Variants in XPOT observed in about 807,000 individuals in gnomAD.
XPOT encodes the protein exportin for tRNA.
In XPOT, 34 loss-of-function variants were observed where a neutral mutation model predicts 128.2. That is an observed-to-expected ratio of 0.27 (90% CI 0.20 to 0.35). XPOT has a LOEUF of 0.35. Among genes scored for constraint, XPOT ranks in the 10% least tolerant of loss-of-function variants. The pLI, the probability that XPOT is intolerant of heterozygous loss-of-function variation, is 1.00. For missense variants in XPOT, 838 were observed against 1,125.3 expected (o/e 0.74, Z 3.65); for synonymous variants, 348 against 394.3 (o/e 0.88, Z 1.39).
At position 64,423,195 on chromosome 12, in the gene XPOT, C is replaced by T. The variant is rs774431625; in HGVS notation, c.1133C>T (p.Ala378Val). The T allele has an allele frequency of 6.3e-7, 1 of 1,595,408 alleles. No individual in the cohort carries two copies. The highest frequency in any genetic ancestry group is 1.4e-5 in the African/African-American group (1 of 73,612). Residue 378 changes from alanine to valine, a missense_variant, in exon 11 of 25, where the codon GCC becomes GTC. Coordinates refer to ENST00000332707, the MANE Select transcript of XPOT (RefSeq NM_007235.6). ...QKANVEAIML[A>V]VMKKLTYDEE... The stretch of plus-strand genomic sequence containing the variant: ...TTTTATTCTTAGGCAATCATGTTGG[C>T]CGTTATGAAAAAATTGACTTACGAT...
chr12:64,425,733 G>T, intron 14 of XPOT, 82 bp from the exon 15 acceptor site: 1 of 1,357,742 alleles, frequency 7.4e-7, no homozygotes, highest in Non-Finnish European at 1.0e-6. Context: ...AGTAAAATTT[G>T]GTGTGAACAA....
intron 8 of XPOT, among the ~76,000 whole-genome samples, 188 bp downstream of exon 8, chr12:64,420,709 A>G (rs1243751376): frequency 1.3e-5 from 2 of 152,222 alleles, no homozygotes; most frequent in African/African-American, 2.4e-5. Flanking sequence ...GGGTTATACC[A>G]GTTCTTAAAC....
At chr12:64,420,600 A>G in intron 8 of XPOT, 79 bp downstream of exon 8, 1 of 1,132,976 alleles carries the variant, frequency 8.8e-7, no homozygotes, top group Non-Finnish European at 1.3e-6. Flanking sequence ...ATATAATAAT[A>G]GCTTTTTTTC....
chr12:64,437,894 T>C (rs977613682), intron 22 of XPOT, among the ~76,000 whole-genome samples: 1 of 152,118 alleles, frequency 6.6e-6, no homozygotes, highest in Non-Finnish European at 1.5e-5. Context: ...GCACAAGAAT[T>C]GCTTGAACCC....
intron 22 of XPOT, among the ~76,000 whole-genome samples, chr12:64,437,937 G>C (rs1318594699): frequency 1.3e-5 from 2 of 152,044 alleles, no homozygotes; most frequent in Admixed American, 6.6e-5. Flanking sequence ...TGAGATCGTG[G>C]CACTGCACTC....
intron 2 of XPOT, among the ~76,000 whole-genome samples, chr12:64,411,224 G>A (rs1414413918): frequency 6.6e-6 from 1 of 152,180 alleles, no homozygotes; most frequent in Non-Finnish European, 1.5e-5. Flanking sequence ...AATCTTTCTT[G>A]TCATAGGGTT....
At position 64,404,820 on chromosome 12, in the gene XPOT, G is replaced by A. The variant is rs1322456354; in HGVS notation, c.-75+16G>A. On this transcript the variant is annotated intron_variant, in intron 1 of 24. Coordinates refer to ENST00000332707, the MANE Select transcript of XPOT (RefSeq NM_007235.6). ...GATAGGGAAGGTGACTCGGGGCTCG[G>A]GGGCAGCGGGACCGGGACCAGGTTT... 6.6e-6 allele frequency: 1 copy of A among 152,408 alleles called. No individual in the cohort carries two copies. Among genetic ancestry groups the A allele is most frequent in the Non-Finnish European group, 1.5e-5 (1 of 68,190 alleles). 9.4% of individuals were successfully genotyped at this position (152,408 alleles called of 1,614,324 possible). A position where few individuals can be genotyped will look rare whatever the true frequency, so the allele number is the denominator to read the frequency against.
rs140671413 is a variant in XPOT at position 64,419,555 on chromosome 12, C to T, written c.489+461C>T. 5.1e-3 allele frequency among the ~76,000 whole-genome samples: 772 copies of T among 152,316 alleles called. 9 individuals are homozygous for T. The highest frequency in any genetic ancestry group is 0.017 in the African/African-American group (721 of 41,576). On this transcript the variant is annotated intron_variant, in intron 6 of 24. Transcript: ENST00000332707. ...AACTCCTGACTTCAGGTGATCCGCC[C>T]GCCTTGCCCTCCCAAAGTGTGGGGA...
intron 24 of XPOT, among the ~76,000 whole-genome samples, chr12:64,447,204 G>T (rs1469466003): frequency 6.6e-6 from 1 of 152,112 alleles, no homozygotes; most frequent in Non-Finnish European, 1.5e-5. Flanking sequence ...CAACACATAG[G>T]AATTATGGGA....
intron 2 of XPOT, among the ~76,000 whole-genome samples, chr12:64,414,387 C>T (rs1166330699): frequency 6.6e-6 from 1 of 152,142 alleles, no homozygotes; most frequent in Non-Finnish European, 1.5e-5. Flanking sequence ...CTTTAGGGAA[C>T]TTACATGATA....
chr12:64,431,497 G>T, intron 17 of XPOT, 41 bp from the exon 18 acceptor site: 1 of 1,596,272 alleles, frequency 6.3e-7, no homozygotes, highest in Non-Finnish European at 8.6e-7. Context: ...CACTTTTAAA[G>T]AATAAAGTTG....
chr12:64,424,565 GT>G, intron 11 of XPOT, 33 bp from the exon 12 acceptor site: 1 of 1,609,402 alleles, frequency 6.2e-7, no homozygotes. Flanking sequence ...CAACCCATAA[GT>G]TTTTTGAATG....
intron 20 of XPOT, 62 bp from the exon 21 acceptor site, chr12:64,434,732 C>T (rs1407868524): frequency 1.1e-5 from 17 of 1,565,610 alleles, no homozygotes; most frequent in Non-Finnish European, 1.3e-5. Flanking sequence ...TTGGTTTTCC[C>T]TGGTGATGAA....
rs2040112344 is a variant in XPOT, at chr12:64,418,911, A to G, written c.306A>G (p.Arg102=). The change falls in exon 6 of 25, where the codon CGA becomes CGG. Residue 102 remains arginine, a synonymous_variant. Transcript: ENST00000332707. ...CCCAACCAGAGAAGACCTTTATACG[A>G]AATAAAGCCGCCCAAGTCTTCGCCT... ...LNPQPEKTFI[R]NKAAQVFALL... is the part of the protein sequence containing the mutation. 6.2e-7 allele frequency: 1 copy of G among 1,613,840 alleles called. No homozygotes were observed. The highest frequency in any genetic ancestry group is 8.5e-7 in the Non-Finnish European group (1 of 1,179,876).
chr12:64,441,829 C>T (rs2040327155), intron 23 of XPOT, among the ~76,000 whole-genome samples: 1 of 152,052 alleles, frequency 6.6e-6, no homozygotes, highest in Non-Finnish European at 1.5e-5. Flanking sequence ...GCTGGGATTA[C>T]AGGCAGGCAC....
In XPOT at chr12:64,450,179, T is replaced by C. The variant is rs2040399376; in HGVS notation, c.*2048T>C. ...TTTTTTTTTCTTTTTTTTTTTTGAA[T>C]AGAGATCAGTCTATCACCCAGGCTG... On this transcript the variant is annotated 3_prime_UTR_variant, in exon 25 of 25. Transcript: ENST00000332707. 4 of 151,558 alleles carry C rather than the reference T, an allele frequency of 2.6e-5. No homozygotes were observed. The highest frequency in any genetic ancestry group is 2.6e-4 in the Admixed American group (4 of 15,184). The allele number at this position is 151,558 out of a possible 1,614,324, so 9.4% of individuals were successfully genotyped here. A position where few individuals can be genotyped will look rare whatever the true frequency, so the allele number is the denominator to read the frequency against.
intron 1 of XPOT, among the ~76,000 whole-genome samples, chr12:64,407,423 C>T (rs536516760): frequency 2.0e-5 from 3 of 150,490 alleles, no homozygotes; most frequent in African/African-American, 7.4e-5. Context: ...GAGCCAGAGG[C>T]TGCAGTGAGC....
At chr12:64,424,909 C>T (rs999633049) in intron 12 of XPOT, 129 bp from the exon 13 acceptor site, 189 of 1,347,560 alleles carry the variant, frequency 1.4e-4, no homozygotes, top group Non-Finnish European at 1.8e-4. Flanking sequence ...GATGTATTGC[C>T]TGGGAAAGTT....
At position 64,428,977 on chromosome 12, in the gene XPOT, C is replaced by T. The variant is rs1295605393; in HGVS notation, c.1737+857C>T. ...TGCCACTCTGCTTTATAACTGCGCT[C>T]ATCTGAAATAACCATGACAGACAAC... On this transcript the variant is annotated intron_variant, in intron 16 of 24. Coordinates refer to ENST00000332707, the MANE Select transcript of XPOT (RefSeq NM_007235.6). Among the ~76,000 whole-genome samples, 5 of 152,266 alleles carry T rather than the reference C, an allele frequency of 3.3e-5. No individual in the cohort carries two copies. In the East Asian group the frequency reaches 5.8e-4, roughly 18 times the overall value.
Sources: allele counts gnomAD v4.1 joint callset (sites outside exome capture counted in the v4.1 genomes callset), GRCh38; gene constraint gnomAD v4.1.1; transcripts MANE v1.5; gene names NCBI Gene and HGNC (gene_info 2026-07-23, HGNC 2026-07-21).